Variants in ENTREP2 observed in about 807,000 individuals in gnomAD.
The protein encoded by ENTREP2 is protein ENTREP2.
the ENTREP2 span, among the ~76,000 whole-genome samples, chr15:29,302,989 C>T: frequency 1.5e-4 from 23 of 152,158 alleles, no homozygotes; most frequent in Admixed American, 1.5e-3. Context: ...CCAGACCTGA[C>T]CAACTCTGCA....
At chr15:29,645,761 C>T in the ENTREP2 span, among the ~76,000 whole-genome samples, 1 of 151,982 alleles carries the variant, frequency 6.6e-6, no homozygotes, top group Non-Finnish European at 1.5e-5. Context: ...AGGGTTTCAC[C>T]ATGTTAGCCA....
At chr15:29,588,425 G>A in the ENTREP2 span, among the ~76,000 whole-genome samples, 1 of 151,612 alleles carries the variant, frequency 6.6e-6, no homozygotes, top group Non-Finnish European at 1.5e-5. Flanking sequence ...CAGATATTGT[G>A]CCACTGTATT....
chr15:29,446,858 G>C, the ENTREP2 span, among the ~76,000 whole-genome samples: 4 of 152,112 alleles, frequency 2.6e-5, no homozygotes, highest in African/African-American at 9.7e-5. Flanking sequence ...CAGGAGCATG[G>C]TATCTCTTGA....
At chr15:29,657,395 G>A in the ENTREP2 span, among the ~76,000 whole-genome samples, 1 of 145,722 alleles carries the variant, frequency 6.9e-6, no homozygotes, top group African/African-American at 2.5e-5. Flanking sequence ...CCCAAAAAGT[G>A]AGCAGTAGCA....
At chr15:29,308,579 T>C in the ENTREP2 span, among the ~76,000 whole-genome samples, 6 of 152,194 alleles carry the variant, frequency 3.9e-5, no homozygotes, top group Middle Eastern at 3.4e-3. Flanking sequence ...CTCCCACCCC[T>C]AGTTTCTTCC....
At chr15:29,572,672 G>GTA in the ENTREP2 span, among the ~76,000 whole-genome samples, 1 of 151,600 alleles carries the variant, frequency 6.6e-6, no homozygotes, top group Non-Finnish European at 1.5e-5. Flanking sequence ...TATTGACATT[G>GTA]TATACTATTC....
At chr15:29,181,726 TACAC>T in the ENTREP2 span, among the ~76,000 whole-genome samples, 1 of 152,164 alleles carries the variant, frequency 6.6e-6, no homozygotes, top group Non-Finnish European at 1.5e-5. Context: ...CACATACAAA[TACAC>T]ACATGCATAT....
the ENTREP2 span, among the ~76,000 whole-genome samples, chr15:29,480,611 A>G: frequency 6.6e-6 from 1 of 152,104 alleles, no homozygotes; most frequent in Non-Finnish European, 1.5e-5. Context: ...GGGAGGCAGC[A>G]TGGGGCCCAC....
At chr15:29,625,182 C>T in the ENTREP2 span, among the ~76,000 whole-genome samples, 1 of 152,162 alleles carries the variant, frequency 6.6e-6, no homozygotes, top group Non-Finnish European at 1.5e-5. Flanking sequence ...CCCTTAATAT[C>T]CATCCAAGCT....
At chr15:29,137,400 C>T in the ENTREP2 span, among the ~76,000 whole-genome samples, 34 of 152,270 alleles carry the variant, frequency 2.2e-4, no homozygotes, top group African/African-American at 7.2e-4. Context: ...TTGTTGCCCA[C>T]GCTGTTATAC....
chr15:29,561,348 A>G, the ENTREP2 span, among the ~76,000 whole-genome samples: 1 of 152,244 alleles, frequency 6.6e-6, no homozygotes, highest in South Asian at 2.1e-4. Flanking sequence ...CATACATAGG[A>G]GAGAATGGAA....
At chr15:29,125,797 G>A in the ENTREP2 span, among the ~76,000 whole-genome samples, 10 of 152,320 alleles carry the variant, frequency 6.6e-5, no homozygotes, top group Non-Finnish European at 1.2e-4. Flanking sequence ...GGCACTGCCC[G>A]CAGACACAGT....
At chr15:29,356,777 T>A in the ENTREP2 span, among the ~76,000 whole-genome samples, 1 of 152,116 alleles carries the variant, frequency 6.6e-6, no homozygotes, top group Non-Finnish European at 1.5e-5. Context: ...GTCAAGGCCA[T>A]TTAGGATCAC....
the ENTREP2 span, among the ~76,000 whole-genome samples, chr15:29,640,268 G>A: frequency 9.2e-5 from 14 of 152,112 alleles, no homozygotes; most frequent in Non-Finnish European, 2.1e-4. Flanking sequence ...TAGGTGAAAT[G>A]GACAAATTCC....
At chr15:29,173,437 T>G in the ENTREP2 span, among the ~76,000 whole-genome samples, 2 of 152,322 alleles carry the variant, frequency 1.3e-5, no homozygotes, top group South Asian at 4.1e-4. Flanking sequence ...CTCTTATTTC[T>G]GGGGATGTGG....
At chr15:29,402,292 T>TTGTGTGTGTGTGTG in the ENTREP2 span, among the ~76,000 whole-genome samples, 132 of 131,664 alleles carry the variant, frequency 1.0e-3, no homozygotes, top group South Asian at 1.8e-3. Flanking sequence ...GTATATTGTA[T>TTGTGTGTGTGTGTG]TGTGTGTGTG....
the ENTREP2 span, among the ~76,000 whole-genome samples, chr15:29,489,713 A>G: frequency 0.041 from 6,192 of 152,276 alleles, 401 homozygotes; most frequent in African/African-American, 0.14. Flanking sequence ...CTGCAGCTCT[A>G]TGAAGGAGAA....
chr15:29,320,832 T>C, the ENTREP2 span, among the ~76,000 whole-genome samples: 1 of 151,614 alleles, frequency 6.6e-6, no homozygotes, highest in East Asian at 1.9e-4. Flanking sequence ...CAAACTAAAG[T>C]GCAAGAAAGA....
the ENTREP2 span, among the ~76,000 whole-genome samples, chr15:29,392,471 C>T: frequency 1.5e-4 from 23 of 150,980 alleles, no homozygotes; most frequent in Middle Eastern, 3.5e-3. Context: ...AAAATAGTTA[C>T]GCTGGAAACA....
Sources: allele counts gnomAD v4.1 joint callset (sites outside exome capture counted in the v4.1 genomes callset), GRCh38; gene constraint gnomAD v4.1.1; transcripts MANE v1.5; gene names NCBI Gene and HGNC (gene_info 2026-07-23, HGNC 2026-07-21).